CCHCR1: variants seen among roughly 807,000 people sequenced by gnomAD.
CCHCR1 encodes HCR (a-helix coiled-coil rod homologue).
Under a neutral mutation model 114.6 loss-of-function variants are expected in CCHCR1, and 91 were observed. That is an observed-to-expected ratio of 0.79 (90% confidence interval 0.67 to 0.94). The LOEUF (loss-of-function observed/expected upper bound fraction) is 0.94, where lower values mean the gene tolerates loss of function less well. Among genes scored for constraint, CCHCR1 ranks in the 40% least tolerant of loss-of-function variants. CCHCR1 has a pLI of 0.00. For synonymous variants in CCHCR1, 379 were observed against 428.5 expected, an observed-to-expected ratio of 0.88 and a Z score of 1.43; for missense variants, 899 against 1,079.9, an observed-to-expected ratio of 0.83 and a Z score of 2.35.
Position 31,144,845 on chromosome 6 carries a change from C to A in CCHCR1, c.2065+40G>T. The A allele has an allele frequency of 6.2e-7, 1 of 1,608,750 alleles. No individual in the cohort carries two copies. The highest frequency in any genetic ancestry group is 1.1e-5 in the South Asian group (1 of 90,952). ...CAGGAGCTTTGATTCGCAGTTCCCA[C>A]CCCACCCTCCAAGGGAAGCACCCAT... is the stretch of plus-strand genomic sequence containing the variant. On this transcript the variant is annotated intron_variant, in intron 14 of 17. Transcript: ENST00000396268. This position sits in a 1 kb window ranked among gnomAD's most constrained non-coding sequence, Gnocchi z 4.6.
intron 8 of CCHCR1, among the ~76,000 whole-genome samples, 188 bp from the exon 9 acceptor site, chr6:31,148,916 C>T (rs1270316248): frequency 6.6e-6 from 1 of 152,000 alleles, no homozygotes; most frequent in Non-Finnish European, 1.5e-5. Flanking sequence ...CTTTGGGAGG[C>T]CGAGGCAGAT....
At position 31,150,911 on chromosome 6, in the gene CCHCR1, C is replaced by A; in HGVS notation, c.965+48G>T. 1 of 1,611,254 alleles carries A rather than the reference C, an allele frequency of 6.2e-7. No homozygotes were observed. The highest frequency in any genetic ancestry group is 8.5e-7 in the Non-Finnish European group (1 of 1,179,002). On this transcript the variant is annotated intron_variant, in intron 5 of 17. Transcript: ENST00000396268. The surrounding 1 kb of genome is among the most constrained non-coding windows in gnomAD (Gnocchi z 5.3). ...GCCATCAGTGGGGCGCCCTGCAGAT[C>A]CACCACATCACTAATTGCTGGGCTC... is the stretch of plus-strand genomic sequence containing the variant.
At chr6:31,149,145 CCTT>C (rs2151023392) in intron 8 of CCHCR1, 1 of 121,978 alleles carries the variant, frequency 8.2e-6, no homozygotes, top group Non-Finnish European at 1.7e-5. Context: ...GAACAAGACT[CCTT>C]CTCAAAAAAA....
chr6:31,143,252 T>C lies in CCHCR1; in HGVS notation c.2319+10A>G. Reference sequence around the variant, plus strand: ...CCTAGTGTCTGCCTGTCTGCCCTCCTGTCTCCTACCAGCATGAGGTTCTTA... The same window carrying C: ...CCTAGTGTCTGCCTGTCTGCCCTCCCGTCTCCTACCAGCATGAGGTTCTTA... On this transcript the variant is annotated intron_variant, in intron 16 of 17. Coordinates refer to ENST00000396268, the MANE Select transcript of CCHCR1 (RefSeq NM_001105564.2). The surrounding 1 kb of genome is among the most constrained non-coding windows in gnomAD (Gnocchi z 5.3). 1.2e-6 allele frequency: 2 copies of C among 1,612,622 alleles called. No individual in the cohort carries two copies. The highest frequency in any genetic ancestry group is 8.5e-7 in the Non-Finnish European group (1 of 1,179,962).
intron 8 of CCHCR1, chr6:31,149,677 C>T (rs1035104799): frequency 6.2e-6 from 1 of 161,764 alleles, no homozygotes; most frequent in Non-Finnish European, 1.3e-5. Context: ...TCCTGACCTC[C>T]AGTGATCCAC....
chr6:31,156,920 G>A lies in CCHCR1; in HGVS notation c.308C>T (p.Ser103Phe). 1 of 1,612,866 alleles carries A rather than the reference G, an allele frequency of 6.2e-7. No individual in the cohort carries two copies. Among genetic ancestry groups the A allele is most frequent in the South Asian group, 1.1e-5 (1 of 91,086 alleles). The change falls in exon 3 of 18, where the codon TCC becomes TTC. Residue 103 changes from serine to phenylalanine, a missense_variant. Coordinates refer to ENST00000396268, the MANE Select transcript of CCHCR1 (RefSeq NM_001105564.2). ...TGAAAGGGGCCGAGCTTGAAAGTGGGAGGGGGGAATCAGCCCAGTGGAACC... is the reference window on the plus strand; with the variant it reads ...TGAAAGGGGCCGAGCTTGAAAGTGGAAGGGGGGAATCAGCCCAGTGGAACC... ...PSGSTGLIPPSHFQARPLSTL... is the reference protein window; with the variant it reads ...PSGSTGLIPPFHFQARPLSTL...
At chr6:31,152,875 G>A (rs949758467) in intron 4 of CCHCR1, among the ~76,000 whole-genome samples, 1 of 152,148 alleles carries the variant, frequency 6.6e-6, no homozygotes, top group African/African-American at 2.4e-5. Flanking sequence ...CCTCATCTCT[G>A]TGCCCCAGCC....
At chr6:31,157,885 CT>C, upstream of CCHCR1, 1 of 514,226 alleles carries the variant, frequency 1.9e-6, no homozygotes, top group Non-Finnish European at 3.5e-6. Context: ...CCTAATCTAC[CT>C]TTTTCTGAAG....
Position 31,154,394 on chromosome 6 carries a change from C to T in CCHCR1, c.801+102G>A, listed in dbSNP as rs1453961294. The T allele has an allele frequency of 3.6e-6, 3 of 843,424 alleles. No individual in the cohort carries two copies. The African/African-American group carries it at 5.0e-5, about 14-fold the overall frequency. The allele number at this position is 843,424 out of a possible 1,614,324, so 52.2% of individuals were successfully genotyped here. Reference sequence around the variant, plus strand: ...CCAAAGGTCTCATCACTCTACTACTCACTACTCATGGAGGGTCTTTTCTGC... The same window carrying T: ...CCAAAGGTCTCATCACTCTACTACTTACTACTCATGGAGGGTCTTTTCTGC... On this transcript the variant is annotated intron_variant, in intron 4 of 17. Transcript: ENST00000396268. The surrounding 1 kb of genome is among the most constrained non-coding windows in gnomAD (Gnocchi z 4.1).
chr6:31,145,744 G>GGCTGGGAA lies in CCHCR1; in HGVS notation c.1637_1644dup (p.Leu549PhefsTer21). 1 of 1,613,520 alleles carries GGCTGGGAA rather than the reference G, an allele frequency of 6.2e-7. No individual in the cohort carries two copies. Among genetic ancestry groups the GGCTGGGAA allele is most frequent in the East Asian group, 2.2e-5 (1 of 44,870 alleles). ...ACAGCATAGCTGAGTCGGTTGTTGA[G>GGCTGGGAA]GCTGGGAAGCTGGGCGGCAGCCCCT... On this transcript the variant is annotated frameshift_variant, in exon 11 of 18. Coordinates refer to ENST00000396268, the MANE Select transcript of CCHCR1 (RefSeq NM_001105564.2). LOFTEE classifies it high-confidence loss of function.
chr6:31,157,059 C>T lies in CCHCR1; in HGVS notation c.247G>A (p.Glu83Lys). 1 of 1,612,300 alleles carries T rather than the reference C, an allele frequency of 6.2e-7. No homozygotes were observed. Among genetic ancestry groups the T allele is most frequent in the Non-Finnish European group, 8.5e-7 (1 of 1,179,640 alleles). ...GNIDGWRQNL[E>K]PSNNVEMFPP... ...AACATCTCCACATTATTTGAAGGCT[C>T]TAGATTCTGTCTCCAGCCATCTATG... The change falls in exon 2 of 18, where the codon GAG becomes AAG. Residue 83 changes from glutamate (E) to lysine (K), a missense_variant. Transcript: ENST00000396268.
Position 31,150,222 on chromosome 6 carries a change from G to A in CCHCR1, c.1213-7C>T, listed in dbSNP as rs767261693. On this transcript the variant is annotated splice_region_variant and splice_polypyrimidine_tract_variant and intron_variant, in intron 7 of 17. Coordinates refer to ENST00000396268, the MANE Select transcript of CCHCR1 (RefSeq NM_001105564.2). This position sits in a 1 kb window ranked among gnomAD's most constrained non-coding sequence, Gnocchi z 5.3. ...GGGAATCTGAAGGTTGAACCTGAGG[G>A]AGAAGGAGTGGGAGAAAAGTGTGGG... 5.0e-6 allele frequency: 8 copies of A among 1,613,908 alleles called. No individual in the cohort carries two copies. The highest frequency in any genetic ancestry group is 2.2e-5 in the South Asian group (2 of 91,074).
chr6:31,154,923 G>C lies in CCHCR1; in HGVS notation c.498-124C>G, dbSNP rs116618046. 4.9e-5 allele frequency: 42 copies of C among 854,026 alleles called. No homozygotes were observed. In the African/African-American group the frequency reaches 6.6e-4, roughly 14 times the overall value. 52.9% of individuals were successfully genotyped at this position (854,026 alleles called of 1,614,324 possible). On this transcript the variant is annotated intron_variant, in intron 3 of 17. Transcript: ENST00000396268. This position sits in a 1 kb window ranked among gnomAD's most constrained non-coding sequence, Gnocchi z 4.1. ...GCTTCCGTGTGGGGAGGTGAAGGGG[G>C]TGCTGAAGCTGGGGTATGGGGATGT...
chr6:31,146,871 T>C (rs1774414435), intron 10 of CCHCR1, among the ~76,000 whole-genome samples: 1 of 152,224 alleles, frequency 6.6e-6, no homozygotes, highest in Middle Eastern at 3.4e-3. Context: ...CCGCGATGGA[T>C]TGAACCTGGG....
chr6:31,148,553 C>A (rs1343229141), intron 9 of CCHCR1, 42 bp from the exon 10 acceptor site: 3 of 1,597,012 alleles, frequency 1.9e-6, no homozygotes, highest in Non-Finnish European at 1.7e-6. Context: ...TCCCTAAGTC[C>A]TGGCTGCAGC....
rs543166710 is a variant in CCHCR1 at position 31,146,813 on chromosome 6, A to G, written c.1581-1005T>C. ...CTGTGATCGCCTGGTACCAAAGTCAAACCCTGTCCACAGTGCATCTTTCTG... is the reference window on the plus strand; with the variant it reads ...CTGTGATCGCCTGGTACCAAAGTCAGACCCTGTCCACAGTGCATCTTTCTG... On this transcript the variant is annotated intron_variant, in intron 10 of 17. Coordinates refer to ENST00000396268, the MANE Select transcript of CCHCR1 (RefSeq NM_001105564.2). Among the ~76,000 whole-genome samples the G allele has an allele frequency of 3.7e-4, 57 of 152,312 alleles. No homozygotes were observed. The Middle Eastern group carries it at 0.01, about 27-fold the overall frequency.
chr6:31,150,685 A>T lies in CCHCR1; in HGVS notation c.1101+40T>A. Reference sequence around the variant, plus strand: ...AGGGCCACGCTTGCCTCCCAACCTGATCCCTAAGTCTGCACACAGATACAT... The same window carrying T: ...AGGGCCACGCTTGCCTCCCAACCTGTTCCCTAAGTCTGCACACAGATACAT... On this transcript the variant is annotated intron_variant, in intron 6 of 17. Transcript: ENST00000396268. The surrounding 1 kb of genome is among the most constrained non-coding windows in gnomAD (Gnocchi z 5.3). 1.2e-6 allele frequency: 2 copies of T among 1,605,066 alleles called. No individual in the cohort carries two copies. The highest frequency in any genetic ancestry group is 1.7e-6 in the Non-Finnish European group (2 of 1,175,446).
Position 31,142,506 on chromosome 6 carries a change from G to C in CCHCR1, c.*86C>G, listed in dbSNP as rs1279171140. ...GCTGGTATCCCCCAGGGCAACCCCA[G>C]GATGGGGAAGGGCTGGTCTGTCCCC... On this transcript the variant is annotated 3_prime_UTR_variant, in exon 18 of 18. Transcript: ENST00000396268. 3 of 1,350,618 alleles carry C rather than the reference G, an allele frequency of 2.2e-6. No homozygotes were observed. The highest frequency in any genetic ancestry group is 1.4e-5 in the African/African-American group (1 of 69,592). The allele number at this position is 1,350,618 out of a possible 1,614,324, so 83.7% of individuals were successfully genotyped here. A position where few individuals can be genotyped will look rare whatever the true frequency, so the allele number is the denominator to read the frequency against.
At chr6:31,158,178 G>C (rs561394286), upstream of CCHCR1, 1 of 155,266 alleles carries the variant, frequency 6.4e-6, no homozygotes, top group East Asian at 1.9e-4. Context: ...AACCGCGAGA[G>C]CCCCCTACTG....
Sources: allele counts gnomAD v4.1 joint callset (sites outside exome capture counted in the v4.1 genomes callset), GRCh38; gene constraint gnomAD v4.1.1; non-coding constraint Gnocchi (gnomAD v3.1); transcripts MANE v1.5; gene names NCBI Gene and HGNC (gene_info 2026-07-23, HGNC 2026-07-21).